Variants in NRK observed in about 807,000 individuals in gnomAD.
NRK encodes Nik related kinase.
A neutral mutation model predicts 125.2 loss-of-function variants in NRK; 67 were observed. The ratio of observed to expected loss-of-function variants is 0.54; its 90% confidence interval spans 0.44 to 0.66. The LOEUF is 0.66. Among genes scored for constraint, NRK ranks in the 30% least tolerant of loss-of-function variants. The probability of loss-of-function intolerance (pLI) is 0.00; values close to 1 mark genes in which losing one functional copy is unlikely to be tolerated. For synonymous variants in NRK, 458 were observed against 429.0 expected (o/e 1.07, Z -0.84); for missense variants, 1,224 against 1,192.9 (o/e 1.03, Z -0.38).
intron 2 of NRK, among the ~76,000 whole-genome samples, chrX:105,842,550 A>G (rs776858080): frequency 3.6e-5 from 4 of 112,170 alleles, no homozygotes; most frequent in Non-Finnish European, 7.5e-5. Flanking sequence ...AGGAATTTTA[A>G]AAATCAACAC....
At chrX:105,899,634 T>G (rs1314133841) in intron 8 of NRK, among the ~76,000 whole-genome samples, 1 of 111,734 alleles carries the variant, frequency 8.9e-6, no homozygotes, top group Non-Finnish European at 1.9e-5. Context: ...TTATTTTTAG[T>G]TTTTAGCACC....
chrX:105,894,715 C>G (rs927386957), intron 6 of NRK, among the ~76,000 whole-genome samples: 2 of 112,095 alleles, frequency 1.8e-5, no homozygotes, highest in Non-Finnish European at 3.8e-5. Context: ...GATATTAACA[C>G]CTTCCTCAAA....
At chrX:105,829,236 G>GT (rs764062502) in intron 1 of NRK, among the ~76,000 whole-genome samples, 1 of 112,102 alleles carries the variant, frequency 8.9e-6, no homozygotes, top group African/African-American at 3.2e-5. Context: ...ATTGAATGAT[G>GT]TAATCCCAAA....
chrX:105,935,358 T>G (rs771063180), intron 21 of NRK, 33 bp downstream of exon 21: 64 of 1,004,878 alleles, frequency 6.4e-5, no homozygotes, highest in Non-Finnish European at 8.6e-5. Flanking sequence ...AAGAATATAT[T>G]TTTATGTAGC....
At chrX:105,949,141 C>A (rs1165885745) in intron 26 of NRK, among the ~76,000 whole-genome samples, 1 of 111,488 alleles carries the variant, frequency 9.0e-6, no homozygotes, top group Non-Finnish European at 1.9e-5. Context: ...TTTTCTATTT[C>A]TAATTTGAGT....
intron 2 of NRK, among the ~76,000 whole-genome samples, chrX:105,832,866 T>C (rs1330180627): frequency 9.2e-6 from 1 of 108,911 alleles, no homozygotes; most frequent in Non-Finnish European, 1.9e-5. Context: ...TACAAAAAAT[T>C]AAAAAGAAAA....
chrX:105,902,469 G>A (rs2040171115), intron 9 of NRK, among the ~76,000 whole-genome samples: 1 of 112,334 alleles, frequency 8.9e-6, no homozygotes, highest in Non-Finnish European at 1.9e-5. Flanking sequence ...TATCTCATAA[G>A]GGATGGCCTT....
chrX:105,830,679 G>A (rs1420486928), intron 1 of NRK, among the ~76,000 whole-genome samples: 1 of 110,699 alleles, frequency 9.0e-6, no homozygotes, highest in East Asian at 2.9e-4. Flanking sequence ...CATGTCCTTT[G>A]TAGGGACATG....
At chrX:105,831,198 A>G in intron 2 of NRK, 79 bp downstream of exon 2, 1 of 606,511 alleles carries the variant, frequency 1.6e-6, no homozygotes, top group South Asian at 2.6e-5. Flanking sequence ...TGCAAATCAC[A>G]TAATGCCAAA....
chrX:105,840,641 G>A (rs929151245), intron 2 of NRK, among the ~76,000 whole-genome samples: 4 of 110,992 alleles, frequency 3.6e-5, no homozygotes, highest in Non-Finnish European at 3.8e-5. Context: ...AAAATTGCCT[G>A]ATTGCTGCTA....
chrX:105,853,120 A>G (rs1240599868), intron 2 of NRK, among the ~76,000 whole-genome samples: 1 of 111,482 alleles, frequency 9.0e-6, no homozygotes, highest in Non-Finnish European at 1.9e-5. Context: ...CACAGATTCT[A>G]CTTTCACATG....
chrX:105,933,382 A>G, intron 19 of NRK, among the ~76,000 whole-genome samples: 1 of 112,068 alleles, frequency 8.9e-6, no homozygotes, highest in Non-Finnish European at 1.9e-5. Flanking sequence ...TGTGGTTGAA[A>G]AGGTCATAAA....
At chrX:105,933,385 G>T (rs2040621718) in intron 19 of NRK, among the ~76,000 whole-genome samples, 1 of 111,777 alleles carries the variant, frequency 8.9e-6, no homozygotes, top group African/African-American at 3.3e-5. Flanking sequence ...GGTTGAAAAG[G>T]TCATAAAAAC....
At chrX:105,842,020 C>G (rs1192302463) in intron 2 of NRK, among the ~76,000 whole-genome samples, 1 of 110,592 alleles carries the variant, frequency 9.0e-6, no homozygotes, top group Non-Finnish European at 1.9e-5. Flanking sequence ...TTTGCTTGGC[C>G]CGAGGTCTGT....
intron 15 of NRK, 33 bp from the exon 16 acceptor site, chrX:105,917,545 G>C (rs1470698091): frequency 3.3e-6 from 3 of 918,001 alleles, no homozygotes; most frequent in Non-Finnish European, 4.5e-6. Context: ...TGAATGTTAG[G>C]ACATGGCACA....
intron 27 of NRK, among the ~76,000 whole-genome samples, chrX:105,950,579 GA>G (rs2040882380): frequency 1.1e-5 from 1 of 94,665 alleles, no homozygotes; most frequent in Non-Finnish European, 2.2e-5. Flanking sequence ...TGTGTGTGTG[GA>G]GAGAGAGAGA....
chrX:105,860,129 A>G (rs752189802), intron 2 of NRK, among the ~76,000 whole-genome samples: 1 of 111,237 alleles, frequency 9.0e-6, no homozygotes, highest in African/African-American at 3.3e-5. Context: ...GGAAGGTATC[A>G]TTATTCCCCT....
At chrX:105,826,297 A>T (rs1361343046) in intron 1 of NRK, among the ~76,000 whole-genome samples, 2 of 85,974 alleles carry the variant, frequency 2.3e-5, no homozygotes, top group Non-Finnish European at 4.3e-5. Context: ...ATATTATCAT[A>T]TATATAATAG....
At chrX:105,922,464 A>G (rs2040464461) in intron 17 of NRK, among the ~76,000 whole-genome samples, 1 of 111,993 alleles carries the variant, frequency 8.9e-6, no homozygotes, top group South Asian at 3.7e-4. Flanking sequence ...CTCTGACTGC[A>G]TAAATAAAAA....
Sources: allele counts gnomAD v4.1 joint callset (sites outside exome capture counted in the v4.1 genomes callset), GRCh38; gene constraint gnomAD v4.1.1; transcripts MANE v1.5; gene names NCBI Gene and HGNC (gene_info 2026-07-23, HGNC 2026-07-21).